Variants in NAALADL2 observed in about 807,000 individuals in gnomAD.
NAALADL2 encodes the protein N-acetylated alpha-linked acidic dipeptidase like 2, also known as inactive N-acetylated-alpha-linked acidic dipeptidase-like protein 2.
NAALADL2 carries 76 observed loss-of-function variants against 87.2 expected under a neutral mutation model. That is an observed-to-expected ratio of 0.87 (90% confidence interval 0.72 to 1.05). The LOEUF is 1.05. Among genes scored for constraint, NAALADL2 ranks in the 50% least tolerant of loss-of-function variants. The pLI is 0.00. For synonymous variants in NAALADL2, 354 were observed against 331.0 expected (o/e 1.07, Z -0.75); for missense variants, 1,089 against 945.8 (o/e 1.15, Z -1.99).
chr3:175,789,191 A>C (rs1752481504), intron 13 of NAALADL2, among the ~76,000 whole-genome samples: 1 of 152,196 alleles, frequency 6.6e-6, no homozygotes, highest in Admixed American at 6.5e-5. Flanking sequence ...TGTATCCCAC[A>C]TAGCAGTAGG....
chr3:175,240,309 G>A lies in NAALADL2; in HGVS notation c.819+6105G>A, dbSNP rs571945379. 1.6e-4 allele frequency among the ~76,000 whole-genome samples: 25 copies of A among 152,282 alleles called. No individual in the cohort carries two copies. In the South Asian group the frequency reaches 2.7e-3, roughly 16 times the overall value. On this transcript the variant is annotated intron_variant, in intron 3 of 13. Coordinates refer to ENST00000454872, the MANE Select transcript of NAALADL2 (RefSeq NM_207015.3). ...TAGTGCCTTAACGTATGAAATCTGA[G>A]CACTGTATCAAATATTTTCTCAGAA...
chr3:175,422,013 T>C (rs2149124674), intron 5 of NAALADL2, among the ~76,000 whole-genome samples: 1 of 151,880 alleles, frequency 6.6e-6, no homozygotes, highest in East Asian at 1.9e-4. Context: ...TGGTAGGAAA[T>C]AAGGCCAGAG....
chr3:175,212,758 T>C (rs1462079075), intron 2 of NAALADL2, among the ~76,000 whole-genome samples: 1 of 152,136 alleles, frequency 6.6e-6, no homozygotes, highest in East Asian at 1.9e-4. Flanking sequence ...AGCTCTAAAA[T>C]AAATGTAAAA....
intron 13 of NAALADL2, among the ~76,000 whole-genome samples, chr3:175,781,417 G>C (rs1174043238): frequency 1.3e-5 from 2 of 152,122 alleles, no homozygotes; most frequent in Non-Finnish European, 2.9e-5. Flanking sequence ...TGTGTTTGTA[G>C]TGATGATGGT....
rs149470690 is a variant in NAALADL2, at chr3:175,199,771, G to A, written c.546-34160G>A. 4.2e-3 allele frequency among the ~76,000 whole-genome samples: 530 copies of A among 126,712 alleles called. 3 individuals carry two copies. Among genetic ancestry groups the A allele is most frequent in the African/African-American group, 0.013 (468 of 34,958 alleles). 83.1% of individuals were successfully genotyped at this position (126,712 alleles called of 152,430 possible). On this transcript the variant is annotated intron_variant, in intron 2 of 13. Transcript: ENST00000454872. ...CCAGGAAAACTGATTGATTTGCTGC[G>A]TTAAGACAGTATCTTCTTAATCTTT...
chr3:175,578,423 AC>A lies in NAALADL2; in HGVS notation c.1800+2237del, dbSNP rs565725224. Among the ~76,000 whole-genome samples, 17 of 152,226 alleles carry A rather than the reference AC, an allele frequency of 1.1e-4. No individual in the cohort carries two copies. In the South Asian group the frequency reaches 3.5e-3, roughly 32 times the overall value. ...ACTCCAGCCTGGGTGACAGAGTGAG[AC>A]ACTATCTCAAAACAACAACAACAAC... On this transcript the variant is annotated intron_variant, in intron 10 of 13. Coordinates refer to ENST00000454872, the MANE Select transcript of NAALADL2 (RefSeq NM_207015.3).
At chr3:174,691,723 C>T (rs1182030826) in intron 2 of NAALADL2, among the ~76,000 whole-genome samples, 1 of 152,176 alleles carries the variant, frequency 6.6e-6, no homozygotes, top group African/African-American at 2.4e-5. Context: ...GGAGTCAATC[C>T]TCTGACACCT....
chr3:175,640,400 G>A (rs192601819), intron 11 of NAALADL2, among the ~76,000 whole-genome samples: 83 of 152,234 alleles, frequency 5.5e-4, no homozygotes, highest in Middle Eastern at 3.4e-3. Flanking sequence ...AAATTCAAAT[G>A]AGGAGGAAAG....
intron 11 of NAALADL2, among the ~76,000 whole-genome samples, chr3:175,702,748 A>G (rs1416785853): frequency 6.6e-6 from 1 of 152,112 alleles, no homozygotes; most frequent in Admixed American, 6.6e-5. Context: ...GAACATCTTC[A>G]TTTCTGTCTA....
At chr3:174,826,091 G>GACAAA (rs1338979849) in intron 3 of NAALADL2, among the ~76,000 whole-genome samples, 1 of 152,002 alleles carries the variant, frequency 6.6e-6, no homozygotes, top group Non-Finnish European at 1.5e-5. Flanking sequence ...CAAAATCCAA[G>GACAAA]ACAAAACAAA....
intron 2 of NAALADL2, among the ~76,000 whole-genome samples, chr3:174,576,667 G>C (rs1359518784): frequency 6.6e-6 from 1 of 152,112 alleles, no homozygotes; most frequent in Admixed American, 6.5e-5. Flanking sequence ...AACCCTTAGG[G>C]AACACAGCCA....
chr3:175,133,314 C>T (rs7622576), intron 2 of NAALADL2, among the ~76,000 whole-genome samples: 3,630 of 152,172 alleles, frequency 0.024, 157 homozygotes, highest in African/African-American at 0.084. Flanking sequence ...ACTTCCCAGA[C>T]GGGGTGGCGG....
At chr3:175,349,720 G>A (rs1441612651) in intron 5 of NAALADL2, among the ~76,000 whole-genome samples, 1 of 152,096 alleles carries the variant, frequency 6.6e-6, no homozygotes, top group Non-Finnish European at 1.5e-5. Context: ...GGAGAGAAAG[G>A]ATAGAAAGCC....
At chr3:175,284,736 G>A (rs993369762) in intron 4 of NAALADL2, among the ~76,000 whole-genome samples, 6 of 151,842 alleles carry the variant, frequency 4.0e-5, no homozygotes, top group African/African-American at 1.5e-4. Flanking sequence ...AAATAATAAC[G>A]GCACCTGTTT....
At chr3:174,610,085 T>C (rs1578306780) in intron 2 of NAALADL2, among the ~76,000 whole-genome samples, 1 of 151,634 alleles carries the variant, frequency 6.6e-6, no homozygotes, top group African/African-American at 2.4e-5. Context: ...ATTTAATAAA[T>C]GGTGCTGGGA....
chr3:175,201,848 C>A (rs1227401745), intron 2 of NAALADL2, among the ~76,000 whole-genome samples: 1 of 150,398 alleles, frequency 6.6e-6, no homozygotes, highest in Non-Finnish European at 1.5e-5. Flanking sequence ...AAGGGAATGG[C>A]AGAGAGGAAA....
chr3:174,636,969 C>T (rs1156577644), intron 2 of NAALADL2, among the ~76,000 whole-genome samples: 2 of 151,996 alleles, frequency 1.3e-5, no homozygotes, highest in Admixed American at 1.3e-4. Context: ...TATATATACA[C>T]AATGGAATAC....
chr3:175,156,261 C>T (rs1732295342), intron 2 of NAALADL2, among the ~76,000 whole-genome samples: 1 of 148,230 alleles, frequency 6.7e-6, no homozygotes, highest in Admixed American at 6.8e-5. Flanking sequence ...TAAAATGAGA[C>T]CAGAATGCTT....
intron 1 of NAALADL2, among the ~76,000 whole-genome samples, chr3:174,518,318 CTTTAATACTTTCTG>C (rs929045911): frequency 2.0e-5 from 3 of 152,266 alleles, no homozygotes; most frequent in African/African-American, 4.8e-5. Context: ...AACGATTTGT[CTTTAATACTTTCTG>C]TTTAATACTT....
Sources: gnomAD v4.1 joint callset for allele counts (sites outside exome capture counted in the v4.1 genomes callset) on GRCh38, gnomAD v4.1.1 for gene constraint, MANE v1.5 for transcripts, NCBI Gene and HGNC (gene_info 2026-07-23, HGNC 2026-07-21) for gene names.